Variants in GLIS3 observed in about 807,000 individuals in gnomAD.
GLIS3 encodes zinc finger protein GLIS3.
GLIS3 carries 53 observed loss-of-function variants against 78.6 expected under a neutral mutation model. The ratio of observed to expected loss-of-function variants is 0.67; its 90% CI spans 0.54 to 0.85. GLIS3 has a LOEUF of 0.85. Ranked by LOEUF, GLIS3 falls within the 40% of genes least tolerant of loss-of-function variation. The pLI, the probability that GLIS3 is intolerant of heterozygous loss-of-function variation, is 0.00. For missense variants in GLIS3, 1,703 were observed against 1,231.1 expected, an observed-to-expected ratio of 1.38 and a Z score of -5.74; for synonymous variants, 684 against 509.9, an observed-to-expected ratio of 1.34 and a Z score of -4.60.
intron 2 of GLIS3, among the ~76,000 whole-genome samples, chr9:4,222,950 C>T (rs890532690): frequency 3.3e-5 from 5 of 152,124 alleles, no homozygotes; most frequent in African/African-American, 1.2e-4. Flanking sequence ...TCTCAGTAGC[C>T]TTCAGGTTTA....
chr9:4,462,622 CA>C, the GLIS3 span, among the ~76,000 whole-genome samples: 1 of 149,494 alleles, frequency 6.7e-6, no homozygotes, highest in East Asian at 1.9e-4. Context: ...CACACACACA[CA>C]CACACACACA....
chr9:4,187,762 T>C (rs1343404332), intron 2 of GLIS3, among the ~76,000 whole-genome samples: 2 of 152,152 alleles, frequency 1.3e-5, no homozygotes, highest in African/African-American at 2.4e-5. Context: ...GAAGCAACTG[T>C]GAATGGGAGT....
intron 1 of GLIS3, among the ~76,000 whole-genome samples, chr9:4,289,008 C>T (rs1828230235): frequency 1.3e-5 from 2 of 152,032 alleles, no homozygotes; most frequent in South Asian, 4.2e-4. Context: ...ATTTTCTATA[C>T]TTTTTAGCTA....
At chr9:4,270,173 C>A (rs555699442) in intron 2 of GLIS3, among the ~76,000 whole-genome samples, 1 of 152,222 alleles carries the variant, frequency 6.6e-6, no homozygotes, top group Non-Finnish European at 1.5e-5. Context: ...CAAACTGGCA[C>A]TGCTGACTCT....
intron 4 of GLIS3, among the ~76,000 whole-genome samples, chr9:3,972,945 AAGTTTG>A (rs1230229341): frequency 6.6e-6 from 1 of 152,160 alleles, no homozygotes; most frequent in Non-Finnish European, 1.5e-5. Context: ...GCAAACTGCA[AAGTTTG>A]AGGGCAAATT....
chr9:4,115,428 T>A (rs1300695991), intron 4 of GLIS3, among the ~76,000 whole-genome samples: 2 of 152,146 alleles, frequency 1.3e-5, no homozygotes, highest in African/African-American at 4.8e-5. Context: ...CAGTGGGATA[T>A]GAAACATTTT....
intron 4 of GLIS3, among the ~76,000 whole-genome samples, chr9:3,938,502 T>C (rs1826022862): frequency 6.6e-6 from 1 of 152,142 alleles, no homozygotes; most frequent in Non-Finnish European, 1.5e-5. Context: ...TTATTGGAAT[T>C]TTCATCTTTA....
At chr9:4,052,032 C>A (rs928257916) in intron 4 of GLIS3, among the ~76,000 whole-genome samples, 1 of 152,196 alleles carries the variant, frequency 6.6e-6, no homozygotes, top group African/African-American at 2.4e-5. Flanking sequence ...GTATAAAACA[C>A]ATCCTGTTCA....
At chr9:4,263,404 C>T (rs1017839391) in intron 2 of GLIS3, among the ~76,000 whole-genome samples, 8 of 151,996 alleles carry the variant, frequency 5.3e-5, no homozygotes, top group African/African-American at 1.9e-4. Context: ...TACAGACTAA[C>T]AGAGAAAGAA....
At chr9:4,375,357 G>C in the GLIS3 span, among the ~76,000 whole-genome samples, 3 of 152,160 alleles carry the variant, frequency 2.0e-5, no homozygotes, top group South Asian at 2.1e-4. Flanking sequence ...GGTACAGAGA[G>C]AAAAGGGATA....
chr9:4,353,765 G>A, the GLIS3 span, among the ~76,000 whole-genome samples: 5 of 152,138 alleles, frequency 3.3e-5, no homozygotes, highest in African/African-American at 9.7e-5. Flanking sequence ...GCACAAAGAT[G>A]TATGTTCTGA....
At chr9:4,153,554 ACT>A (rs1834839187) in intron 2 of GLIS3, among the ~76,000 whole-genome samples, 3 of 152,280 alleles carry the variant, frequency 2.0e-5, no homozygotes, top group South Asian at 4.1e-4. Context: ...ACACAGTGAG[ACT>A]CTGTCTCAAA....
chr9:4,485,118 G>A, the GLIS3 span, among the ~76,000 whole-genome samples: 7 of 151,542 alleles, frequency 4.6e-5, no homozygotes, highest in Admixed American at 1.3e-4. Context: ...GGGTTCAAGC[G>A]ATTCTCCTGC....
At chr9:4,333,338 A>C (rs1817712252) in intron 2 of GLIS3, among the ~76,000 whole-genome samples, 2 of 151,908 alleles carry the variant, frequency 1.3e-5, no homozygotes, top group Admixed American at 1.3e-4. Context: ...GAAGGAAAGG[A>C]AAGAAAAAAG....
the GLIS3 span, among the ~76,000 whole-genome samples, chr9:4,388,282 T>C: frequency 2.6e-5 from 4 of 152,220 alleles, no homozygotes; most frequent in East Asian, 7.7e-4. Flanking sequence ...TAGAAGTAAG[T>C]CTTAATCTGT....
intron 1 of GLIS3, 99 bp from the exon 2 acceptor site, chr9:4,286,622 A>G: frequency 1.5e-6 from 1 of 652,852 alleles, no homozygotes. Context: ...GAAGAAAAGC[A>G]GCACTCTTAG....
At chr9:4,368,361 C>T in the GLIS3 span, among the ~76,000 whole-genome samples, 4 of 142,440 alleles carry the variant, frequency 2.8e-5, no homozygotes, top group Non-Finnish European at 4.5e-5. Context: ...TTTTTGGAGA[C>T]GGAGTCTGAG....
At chr9:4,240,817 C>G (rs992529499) in intron 2 of GLIS3, among the ~76,000 whole-genome samples, 1 of 151,962 alleles carries the variant, frequency 6.6e-6, no homozygotes, top group African/African-American at 2.4e-5. Flanking sequence ...ATAAGTTTAC[C>G]TGTGTAACAA....
chr9:3,904,197 T>C (rs1823508909), intron 6 of GLIS3, among the ~76,000 whole-genome samples: 1 of 152,220 alleles, frequency 6.6e-6, no homozygotes, highest in African/African-American at 2.4e-5. Flanking sequence ...GTGTGACTGC[T>C]GTACTGTGGA....
Sources: gnomAD v4.1 joint callset for allele counts (sites outside exome capture counted in the v4.1 genomes callset) on GRCh38, gnomAD v4.1.1 for gene constraint, MANE v1.5 for transcripts, NCBI Gene and HGNC (gene_info 2026-07-23, HGNC 2026-07-21) for gene names.